WWP1: variants seen among roughly 807,000 people sequenced by gnomAD.
WWP1 encodes the protein WW domain containing E3 ubiquitin protein ligase 1, also known as NEDD4-like E3 ubiquitin-protein ligase WWP1.
In WWP1, 49 loss-of-function variants were observed where a neutral mutation model predicts 130.6. That is an observed-to-expected ratio of 0.38 (90% confidence interval 0.30 to 0.48). WWP1 has a LOEUF of 0.48. Ranked by LOEUF, WWP1 falls within the 20% of genes least tolerant of loss-of-function variation. The probability of loss-of-function intolerance (pLI) is 0.99; values close to 1 mark genes in which losing one functional copy is unlikely to be tolerated. For synonymous variants in WWP1, 332 were observed against 367.8 expected (o/e 0.90, Z 1.11); for missense variants, 809 against 1,100.6 (o/e 0.74, Z 3.75).
chr8:86,444,514 G>A (rs1453765424), intron 18 of WWP1, among the ~76,000 whole-genome samples: 1 of 152,190 alleles, frequency 6.6e-6, no homozygotes, highest in Non-Finnish European at 1.5e-5. Context: ...GACAATTATA[G>A]TCAGGGAGAT....
Position 86,381,526 on chromosome 8 carries a change from A to C in WWP1, c.231A>C (p.Thr77=), listed in dbSNP as rs748952586. 2 of 1,609,278 alleles carry C rather than the reference A, an allele frequency of 1.2e-6. No individual in the cohort carries two copies. Among genetic ancestry groups the C allele is most frequent in the South Asian group, 1.1e-5 (1 of 89,766 alleles). ...QLTVNVTPQT[T]LEFQVWSHRT... Reference sequence around the variant, plus strand: ...CCAGAAATGTTACGCCACAGACTACATTGGAATTTCAAGTTTGGAGCCATC... The same window carrying C: ...CCAGAAATGTTACGCCACAGACTACCTTGGAATTTCAAGTTTGGAGCCATC... The change falls in exon 5 of 25, where the codon ACA becomes ACC. Residue 77 remains threonine, a synonymous_variant. Coordinates refer to ENST00000517970, the MANE Select transcript of WWP1 (RefSeq NM_007013.4).
chr8:86,427,611 G>T, intron 10 of WWP1, 32 bp from the exon 11 acceptor site: 1 of 1,536,624 alleles, frequency 6.5e-7, no homozygotes, highest in Non-Finnish European at 8.8e-7. Context: ...TATATTGAGA[G>T]ATTATTGTTT....
At chr8:86,398,127 A>G (rs907885560) in intron 5 of WWP1, among the ~76,000 whole-genome samples, 2 of 152,182 alleles carry the variant, frequency 1.3e-5, no homozygotes, top group African/African-American at 4.8e-5. Context: ...ATGTTCTCCA[A>G]AATTTATAAT....
chr8:86,363,604 C>T (rs555319369), intron 1 of WWP1, among the ~76,000 whole-genome samples: 1 of 152,074 alleles, frequency 6.6e-6, no homozygotes, highest in African/African-American at 2.4e-5. Context: ...GAGTTCAAGA[C>T]CAGCCTGGCC....
chr8:86,412,693 A>G (rs1586391000), intron 9 of WWP1, among the ~76,000 whole-genome samples: 1 of 98,446 alleles, frequency 1.0e-5, no homozygotes, highest in South Asian at 3.0e-4. Flanking sequence ...ATGTTAGTGT[A>G]CGTTGGTTTT....
chr8:86,352,580 G>T (rs1252131155), intron 1 of WWP1, among the ~76,000 whole-genome samples: 1 of 151,754 alleles, frequency 6.6e-6, no homozygotes. Flanking sequence ...TCCCAGGCTG[G>T]TCTTGAACTC....
intron 1 of WWP1, among the ~76,000 whole-genome samples, chr8:86,345,271 T>G (rs1330653628): frequency 2.0e-5 from 3 of 152,200 alleles, no homozygotes; most frequent in Non-Finnish European, 4.4e-5. Context: ...TTTACAACTT[T>G]TTGGAGATTA....
chr8:86,353,404 G>A (rs183058711), intron 1 of WWP1, among the ~76,000 whole-genome samples: 1 of 152,126 alleles, frequency 6.6e-6, no homozygotes, highest in Admixed American at 6.5e-5. Context: ...TAGTAATTTT[G>A]TGGTCAAAAA....
intron 9 of WWP1, chr8:86,417,078 G>C (rs1808930109): frequency 1.3e-5 from 2 of 152,548 alleles, no homozygotes; most frequent in Admixed American, 1.3e-4. Context: ...CCAGCTGCCA[G>C]GGGAGGAGAG....
intron 9 of WWP1, among the ~76,000 whole-genome samples, chr8:86,418,352 T>C (rs191005528): frequency 1.3e-5 from 2 of 152,304 alleles, no homozygotes; most frequent in East Asian, 1.9e-4. Flanking sequence ...TATTTATTGC[T>C]ATATAATAAA....
intron 1 of WWP1, among the ~76,000 whole-genome samples, chr8:86,353,721 G>A (rs191937098): frequency 1.5e-3 from 231 of 152,292 alleles, no homozygotes; most frequent in African/African-American, 5.5e-3. Flanking sequence ...GACCTCAAGT[G>A]ATCCGCCTGC....
chr8:86,411,979 A>T, intron 9 of WWP1, 105 bp downstream of exon 9: 1 of 1,126,914 alleles, frequency 8.9e-7, no homozygotes, highest in Non-Finnish European at 1.2e-6. Flanking sequence ...AGAACTTTGA[A>T]ATCTAAGTTG....
chr8:86,436,485 C>G (rs1212086004), intron 16 of WWP1, among the ~76,000 whole-genome samples: 1 of 152,114 alleles, frequency 6.6e-6, no homozygotes, highest in Non-Finnish European at 1.5e-5. Flanking sequence ...GTGCTTTATT[C>G]TTTTTCATAA....
In WWP1 at chr8:86,381,593, G is replaced by A; in HGVS notation, c.298G>A (p.Asp100Asn). Reference sequence around the variant, plus strand: ...TGCTTTATTAGGAAAAGCAACGATAGATTTGAAACAAGCTCTGTTGATACA... The same window carrying A: ...TGCTTTATTAGGAAAAGCAACGATAAATTTGAAACAAGCTCTGTTGATACA... ...ADALLGKATI[D>N]LKQALLIHNR... The change falls in exon 5 of 25, where the codon GAT (aspartate) becomes AAT (asparagine). Residue 100 changes from aspartate to asparagine, a missense_variant. Asp to Asn is a conservative substitution (Grantham distance 23, BLOSUM62 1). This residue lies in a region of WWP1 where 262 missense variants were observed against 346.0 expected (regional missense o/e 0.76). Transcript: ENST00000517970. 6.2e-7 allele frequency: 1 copy of A among 1,608,618 alleles called. No individual in the cohort carries two copies.
chr8:86,427,396 A>G (rs1312233123), intron 10 of WWP1, among the ~76,000 whole-genome samples: 1 of 151,820 alleles, frequency 6.6e-6, no homozygotes, highest in Non-Finnish European at 1.5e-5. Flanking sequence ...TTAAAGTAAA[A>G]TTAAAAAAAA....
intron 18 of WWP1, among the ~76,000 whole-genome samples, chr8:86,443,893 A>G (rs1810722423): frequency 6.6e-6 from 1 of 152,142 alleles, no homozygotes; most frequent in Non-Finnish European, 1.5e-5. Context: ...GATATGAGAG[A>G]GAATGTAATA....
At position 86,431,488 on chromosome 8, in the gene WWP1, A is replaced by G; in HGVS notation, c.1470A>G (p.Gln490=). The change falls in exon 13 of 25, where the codon CAA becomes CAG. Residue 490 remains glutamine, a splice_region_variant and synonymous_variant. Coordinates refer to ENST00000517970, the MANE Select transcript of WWP1 (RefSeq NM_007013.4). ...KTTQWEDPRT[Q]GLQNEEPLPE... ...CCCAGTGGGAAGATCCAAGAACTCA[A>G]GGGTATGTATATACAGCAGCCTTAA... 13 of 1,612,040 alleles carry G rather than the reference A, an allele frequency of 8.1e-6. No individual in the cohort carries two copies. Among genetic ancestry groups the G allele is most frequent in the Non-Finnish European group, 1.1e-5 (13 of 1,178,896 alleles).
chr8:86,355,317 A>G (rs886907512), intron 1 of WWP1, among the ~76,000 whole-genome samples: 2 of 152,202 alleles, frequency 1.3e-5, no homozygotes, highest in African/African-American at 2.4e-5. Flanking sequence ...TTGGCCTGCC[A>G]TTAAGAAGCT....
intron 9 of WWP1, among the ~76,000 whole-genome samples, chr8:86,420,404 G>T (rs1385657344): frequency 6.6e-6 from 1 of 152,124 alleles, no homozygotes; most frequent in South Asian, 2.1e-4. Flanking sequence ...AGAAATTGGG[G>T]TATGTTCCAT....
Sources: allele counts gnomAD v4.1 joint callset (sites outside exome capture counted in the v4.1 genomes callset), GRCh38; gene constraint gnomAD v4.1.1; regional missense constraint gnomAD v4.1.1; transcripts MANE v1.5; gene names NCBI Gene and HGNC (gene_info 2026-07-23, HGNC 2026-07-21).